The following RNF180 variants were observed in gnomAD, a reference collection of about 807,000 sequenced individuals.
RNF180 encodes E3 ubiquitin-protein ligase RNF180.
In RNF180, 38 loss-of-function variants were observed where a neutral mutation model predicts 59.2. That is an observed-to-expected ratio of 0.64 (90% CI 0.50 to 0.84). RNF180 has a LOEUF of 0.84. RNF180 is among the 40% of genes least tolerant of loss of function. RNF180 has a pLI of 0.00. For missense variants in RNF180, 705 were observed against 700.9 expected (o/e 1.01, Z -0.07); for synonymous variants, 262 against 240.3 (o/e 1.09, Z -0.84).
At chr5:64,217,999 T>C (rs1388081519) in intron 5 of RNF180, among the ~76,000 whole-genome samples, 1 of 152,146 alleles carries the variant, frequency 6.6e-6, no homozygotes, top group Non-Finnish European at 1.5e-5. Context: ...CTTTTAAGGG[T>C]TCTTTATATA....
intron 5 of RNF180, among the ~76,000 whole-genome samples, chr5:64,294,234 C>T (rs1195075441): frequency 6.6e-6 from 1 of 152,106 alleles, no homozygotes; most frequent in Non-Finnish European, 1.5e-5. Flanking sequence ...AAAAGTTTAA[C>T]AAGTTTGTAA....
chr5:64,333,107 AGTG>A (rs369679989), intron 7 of RNF180, among the ~76,000 whole-genome samples: 485 of 152,350 alleles, frequency 3.2e-3, no homozygotes, highest in Non-Finnish European at 4.4e-3. Context: ...TACTTTATAA[AGTG>A]GTCAGTAACT....
In RNF180 at chr5:64,294,122, G is replaced by T. The variant is rs73103168; in HGVS notation, c.1228-31064G>T. On this transcript the variant is annotated intron_variant, in intron 5 of 7. Coordinates refer to ENST00000389100, the MANE Select transcript of RNF180 (RefSeq NM_001113561.2). ...ACCTGCCTACCGTTTTGGTTTAGGG[G>T]GTTGTTTTTGAGTGACATTTTAAAA... is the stretch of plus-strand genomic sequence containing the variant. 5.0e-3 allele frequency among the ~76,000 whole-genome samples: 754 copies of T among 152,192 alleles called. 11 individuals carry two copies. Among genetic ancestry groups the T allele is most frequent in the African/African-American group, 0.017 (706 of 41,530 alleles).
At chr5:64,316,696 A>G (rs1214082627) in intron 5 of RNF180, among the ~76,000 whole-genome samples, 1 of 152,248 alleles carries the variant, frequency 6.6e-6, no homozygotes, top group Non-Finnish European at 1.5e-5. Context: ...AAACACATTT[A>G]GTACTTAACC....
At chr5:64,179,700 G>A (rs1750465383) in intron 1 of RNF180, among the ~76,000 whole-genome samples, 1 of 152,028 alleles carries the variant, frequency 6.6e-6, no homozygotes, top group African/African-American at 2.4e-5. Context: ...TTATTGCAAA[G>A]TGTTGCTAAA....
intron 1 of RNF180, among the ~76,000 whole-genome samples, chr5:64,171,712 A>G (rs562804946): frequency 2.6e-5 from 4 of 152,324 alleles, no homozygotes; most frequent in Admixed American, 1.3e-4. Context: ...AAGCATAACA[A>G]ATATCCCTTA....
At chr5:64,269,578 AC>A (rs1210333177) in intron 5 of RNF180, among the ~76,000 whole-genome samples, 1 of 152,026 alleles carries the variant, frequency 6.6e-6, no homozygotes, top group Admixed American at 6.6e-5. Flanking sequence ...TTTTCAAAAA[AC>A]CTTACTGAAG....
intron 5 of RNF180, among the ~76,000 whole-genome samples, chr5:64,302,072 G>A (rs1379057966): frequency 1.3e-5 from 2 of 151,550 alleles, no homozygotes; most frequent in Non-Finnish European, 3.0e-5. Context: ...CAGACTCAAA[G>A]TGCAGAATTT....
chr5:64,178,202 C>CAAAA (rs67465847), intron 1 of RNF180, among the ~76,000 whole-genome samples: 6 of 86,808 alleles, frequency 6.9e-5, no homozygotes, highest in East Asian at 3.4e-4. Flanking sequence ...GACTCCATCT[C>CAAAA]AAAAAAAAAA....
At chr5:64,337,720 T>C (rs1213597693) in intron 7 of RNF180, among the ~76,000 whole-genome samples, 1 of 140,972 alleles carries the variant, frequency 7.1e-6, no homozygotes, top group Non-Finnish European at 1.5e-5. Flanking sequence ...TGTGTTCTCA[T>C]TGTTCAATTC....
At chr5:64,331,153 G>C (rs1210476953) in intron 7 of RNF180, among the ~76,000 whole-genome samples, 1 of 152,240 alleles carries the variant, frequency 6.6e-6, no homozygotes, top group Non-Finnish European at 1.5e-5. Flanking sequence ...ACAAGCATGG[G>C]AGGAAGGCTG....
At chr5:64,256,043 G>C (rs573372075) in intron 5 of RNF180, among the ~76,000 whole-genome samples, 1 of 147,958 alleles carries the variant, frequency 6.8e-6, no homozygotes, top group South Asian at 2.2e-4. Flanking sequence ...TTGTTGATGG[G>C]GTTGTTTGTT....
Position 64,213,760 on chromosome 5 carries a change from C to G in RNF180, c.434C>G (p.Ser145Ter). Residue 145 changes from serine to a stop codon, truncating the protein, a stop_gained, in exon 4 of 8, where the codon TCA (serine) becomes TGA (stop). Transcript: ENST00000389100. LOFTEE classifies it high-confidence loss of function. ...VKYLSHPRVQSGCDKEALLTG... is the reference protein window; with the variant it reads ...VKYLSHPRVQ ...TACTTGTCACATCCTAGAGTTCAGT[C>G]AGGTTGTGACAAGGAAGCTCTGCTG... 6.2e-7 allele frequency: 1 copy of G among 1,614,136 alleles called. No homozygotes were observed. The highest frequency in any genetic ancestry group is 8.5e-7 in the Non-Finnish European group (1 of 1,180,004).
chr5:64,214,098 C>G lies in RNF180; in HGVS notation c.772C>G (p.Leu258Val). 1 of 1,613,964 alleles carries G rather than the reference C, an allele frequency of 6.2e-7. No homozygotes were observed. Among genetic ancestry groups the G allele is most frequent in the Non-Finnish European group, 8.5e-7 (1 of 1,179,892 alleles). Residue 258 changes from leucine to valine, a missense_variant, in exon 4 of 8, where the codon CTA becomes GTA. By Grantham distance (32) the Leu-to-Val change is conservative. Transcript: ENST00000389100. ...TAGTAAGACTACTGCCTATTCCAGA[C>G]TAAATGAAACACAGCCTATTGACCT... ...IHSKTTAYSR[L>V]NETQPIDLSG...
At chr5:64,203,205 G>A (rs532271578) in intron 2 of RNF180, among the ~76,000 whole-genome samples, 9 of 152,234 alleles carry the variant, frequency 5.9e-5, no homozygotes, top group Admixed American at 5.2e-4. Flanking sequence ...GTTGAAAATA[G>A]GCCAACCAGT....
At chr5:64,272,641 TG>T (rs1741479407) in intron 5 of RNF180, among the ~76,000 whole-genome samples, 1 of 151,820 alleles carries the variant, frequency 6.6e-6, no homozygotes, top group Non-Finnish European at 1.5e-5. Flanking sequence ...CAAGAAAGGA[TG>T]GTAACGAAAA....
At chr5:64,232,115 G>A (rs1339897219) in intron 5 of RNF180, among the ~76,000 whole-genome samples, 1 of 152,144 alleles carries the variant, frequency 6.6e-6, no homozygotes, top group Admixed American at 6.5e-5. Flanking sequence ...AATAAATACT[G>A]AGAATGTAAT....
Position 64,200,879 on chromosome 5 carries a change from A to G in RNF180, c.72A>G (p.Lys24=). ...QEETSILRCW[K]CRKCIASSGC... ...AAACAAGTATTCTTCGTTGTTGGAA[A>G]TGTAGAAAATGTATAGCAAGCTCTG... Residue 24 remains lysine (K), a synonymous_variant, in exon 2 of 8, where the codon AAA becomes AAG. Coordinates refer to ENST00000389100, the MANE Select transcript of RNF180 (RefSeq NM_001113561.2). 6.2e-7 allele frequency: 1 copy of G among 1,612,908 alleles called. No individual in the cohort carries two copies. The highest frequency in any genetic ancestry group is 8.5e-7 in the Non-Finnish European group (1 of 1,178,916).
At chr5:64,318,604 A>G (rs1209994419) in intron 5 of RNF180, among the ~76,000 whole-genome samples, 1 of 152,192 alleles carries the variant, frequency 6.6e-6, no homozygotes, top group Non-Finnish European at 1.5e-5. Context: ...TTTACTTTAT[A>G]CATACTTTTT....
Sources: gnomAD v4.1 joint callset for allele counts (sites outside exome capture counted in the v4.1 genomes callset) on GRCh38, gnomAD v4.1.1 for gene constraint, MANE v1.5 for transcripts, NCBI Gene and HGNC (gene_info 2026-07-23, HGNC 2026-07-21) for gene names.